TCF12: variants seen among roughly 807,000 people sequenced by gnomAD.
TCF12 encodes transcription factor 12.
In TCF12, 45 loss-of-function variants were observed where a neutral mutation model predicts 86.0. That is an observed-to-expected ratio of 0.52 (90% CI 0.41 to 0.67). TCF12 has a LOEUF of 0.67. TCF12 is among the 30% of genes least tolerant of loss of function. The pLI, the probability that TCF12 is intolerant of heterozygous loss-of-function variation, is 0.00. For synonymous variants in TCF12, 330 were observed against 299.6 expected, an observed-to-expected ratio of 1.10 and a Z score of -1.05; for missense variants, 881 against 859.9, an observed-to-expected ratio of 1.02 and a Z score of -0.31.
At chr15:56,948,513 A>T (rs1242122523) in intron 3 of TCF12, among the ~76,000 whole-genome samples, 1 of 152,252 alleles carries the variant, frequency 6.6e-6, no homozygotes, top group Non-Finnish European at 1.5e-5. Context: ...TGTATAAAAC[A>T]GTCCTTTAAA....
At chr15:57,024,042 G>T (rs2065661484) in intron 3 of TCF12, among the ~76,000 whole-genome samples, 1 of 152,038 alleles carries the variant, frequency 6.6e-6, no homozygotes, top group African/African-American at 2.4e-5. Context: ...ACCTCCTACT[G>T]TGGAGCCTGG....
chr15:57,104,374 A>G (rs2049972117), intron 5 of TCF12, among the ~76,000 whole-genome samples: 4 of 151,986 alleles, frequency 2.6e-5, no homozygotes, highest in Admixed American at 2.6e-4. Flanking sequence ...GCAATATACT[A>G]AGCACGTTGA....
intron 15 of TCF12, 59 bp from the exon 16 acceptor site, chr15:57,253,203 G>A (rs2060197780): frequency 6.3e-7 from 1 of 1,581,680 alleles, no homozygotes; most frequent in African/African-American, 1.3e-5. Flanking sequence ...AAACGTAGCA[G>A]TTAATGAATC....
intron 8 of TCF12, among the ~76,000 whole-genome samples, chr15:57,211,036 C>T (rs1383726654): frequency 6.6e-6 from 1 of 152,154 alleles, no homozygotes; most frequent in Non-Finnish European, 1.5e-5. Context: ...CAAAGCCATC[C>T]CTGGAGGAGA....
At chr15:56,941,001 T>G (rs2060745046) in intron 3 of TCF12, among the ~76,000 whole-genome samples, 1 of 149,514 alleles carries the variant, frequency 6.7e-6, no homozygotes, top group African/African-American at 2.5e-5. Flanking sequence ...CCTCAAGCAG[T>G]CTTCTCACCT....
chr15:57,224,504 AT>A (rs1260662517), intron 8 of TCF12, among the ~76,000 whole-genome samples: 1 of 152,096 alleles, frequency 6.6e-6, no homozygotes, highest in Non-Finnish European at 1.5e-5. Context: ...CTTAGAAGGA[AT>A]TTTTCTCACA....
intron 3 of TCF12, among the ~76,000 whole-genome samples, chr15:56,937,152 A>G (rs993479270): frequency 6.6e-6 from 1 of 151,964 alleles, no homozygotes; most frequent in African/African-American, 2.4e-5. Context: ...TTATTTCAGC[A>G]CTGTTTGGTA....
At chr15:56,982,973 T>G (rs1595957435) in intron 3 of TCF12, among the ~76,000 whole-genome samples, 2 of 152,316 alleles carry the variant, frequency 1.3e-5, no homozygotes, top group Admixed American at 1.3e-4. Flanking sequence ...AAATGAATTA[T>G]ATAAAATGGT....
chr15:57,260,630 C>G (rs1431955197), intron 16 of TCF12, among the ~76,000 whole-genome samples: 4 of 152,074 alleles, frequency 2.6e-5, no homozygotes, highest in Non-Finnish European at 5.9e-5. Context: ...ATTATTTCCC[C>G]AGCCCGTCAA....
At chr15:57,276,599 A>G (rs1275247667) in intron 19 of TCF12, among the ~76,000 whole-genome samples, 1 of 152,184 alleles carries the variant, frequency 6.6e-6, no homozygotes, top group Non-Finnish European at 1.5e-5. Flanking sequence ...ATACATAATC[A>G]TGAAATTTCA....
At chr15:57,221,840 A>C (rs1258587935) in intron 8 of TCF12, among the ~76,000 whole-genome samples, 2 of 152,118 alleles carry the variant, frequency 1.3e-5, no homozygotes, top group African/African-American at 4.8e-5. Flanking sequence ...AGTTTTCTTC[A>C]ATAAGAAAAT....
chr15:56,980,846 T>C (rs1212777918), intron 3 of TCF12, among the ~76,000 whole-genome samples: 1 of 152,220 alleles, frequency 6.6e-6, no homozygotes, highest in Non-Finnish European at 1.5e-5. Flanking sequence ...ATAGATATTA[T>C]TTGTATGTTT....
chr15:57,026,468 G>A (rs563702066), intron 3 of TCF12, among the ~76,000 whole-genome samples: 3 of 152,246 alleles, frequency 2.0e-5, no homozygotes, highest in South Asian at 4.2e-4. Context: ...GTAGAAGAGA[G>A]GACCAGAGGA....
chr15:57,178,216 T>C (rs1476776380), intron 6 of TCF12, among the ~76,000 whole-genome samples: 1 of 152,206 alleles, frequency 6.6e-6, no homozygotes, highest in East Asian at 1.9e-4. Flanking sequence ...CAACAGAATG[T>C]TGACAGCTGT....
chr15:57,059,829 G>A (rs1455524024), intron 3 of TCF12, among the ~76,000 whole-genome samples: 1 of 149,092 alleles, frequency 6.7e-6, no homozygotes, highest in African/African-American at 2.5e-5. Context: ...AAAAATTCCA[G>A]TTTCCAGTTT....
intron 3 of TCF12, among the ~76,000 whole-genome samples, chr15:56,978,222 G>T (rs1455585442): frequency 6.6e-6 from 1 of 152,158 alleles, no homozygotes; most frequent in Non-Finnish European, 1.5e-5. Flanking sequence ...GTATCGAGTA[G>T]TAGTAGTATG....
intron 3 of TCF12, among the ~76,000 whole-genome samples, chr15:56,973,552 G>A (rs1361035546): frequency 2.0e-5 from 3 of 152,036 alleles, no homozygotes; most frequent in Admixed American, 2.0e-4. Context: ...AACAACTAAT[G>A]TATATAAAAG....
chr15:57,175,248 A>T (rs1359805113), intron 6 of TCF12, among the ~76,000 whole-genome samples: 4 of 152,136 alleles, frequency 2.6e-5, no homozygotes, highest in Non-Finnish European at 4.4e-5. Context: ...CAGGAAGCTG[A>T]TCACTCAAGT....
In TCF12 at chr15:57,113,848, T is replaced by G. The variant is rs146258191; in HGVS notation, c.325+21957T>G. 6.1e-3 allele frequency among the ~76,000 whole-genome samples: 925 copies of G among 151,706 alleles called. 9 individuals carry two copies. Among genetic ancestry groups the G allele is most frequent in the African/African-American group, 0.021 (880 of 41,350 alleles). Reference sequence around the variant, plus strand: ...GCATGCACCTGTAGTCCCAGCTACTTAGGAATCTGAGACAGGAGGATAGCT... The same window carrying G: ...GCATGCACCTGTAGTCCCAGCTACTGAGGAATCTGAGACAGGAGGATAGCT... On this transcript the variant is annotated intron_variant, in intron 5 of 20. Transcript: ENST00000333725.
Sources: allele counts gnomAD v4.1 joint callset (sites outside exome capture counted in the v4.1 genomes callset), GRCh38; gene constraint gnomAD v4.1.1; transcripts MANE v1.5; gene names NCBI Gene and HGNC (gene_info 2026-07-23, HGNC 2026-07-21).